The following ATAD2B variants were observed in gnomAD, a reference collection of about 807,000 sequenced individuals.
ATAD2B encodes the protein ATPase family AAA domain containing 2B, also known as ATPase family AAA domain-containing protein 2B.
Under a neutral mutation model 167.6 loss-of-function variants are expected in ATAD2B, and 40 were observed. The observed-to-expected ratio is 0.24, with a 90% CI of 0.19 to 0.31. The LOEUF (loss-of-function observed/expected upper bound fraction) is 0.31. ATAD2B is among the 10% of genes least tolerant of loss of function. The pLI is 1.00. For missense variants in ATAD2B, 1,242 were observed against 1,757.2 expected, an observed-to-expected ratio of 0.71 and a Z score of 5.24; for synonymous variants, 579 against 596.5, an observed-to-expected ratio of 0.97 and a Z score of 0.43.
In ATAD2B at chr2:23,751,101, G is replaced by T. The variant is rs1675299989; in HGVS notation, c.*945C>A. The T allele has an allele frequency of 6.6e-6, 1 of 152,032 alleles. No individual in the cohort carries two copies. The highest frequency in any genetic ancestry group is 2.4e-5 in the African/African-American group (1 of 41,400). The allele number at this position is 152,032 out of a possible 1,614,324, so 9.4% of individuals were successfully genotyped here. On this transcript the variant is annotated 3_prime_UTR_variant, in exon 28 of 28. Coordinates refer to ENST00000238789, the MANE Select transcript of ATAD2B (RefSeq NM_017552.4). Reference sequence around the variant, plus strand: ...CTCAAACATGAATAACTATTAAATTGCCACTGACAGAAGAAAAAATGGCCA... The same window carrying T: ...CTCAAACATGAATAACTATTAAATTTCCACTGACAGAAGAAAAAATGGCCA...
the ATAD2B span, chr2:23,697,855 C>T: frequency 5.3e-5 from 8 of 152,174 alleles, no homozygotes; most frequent in Admixed American, 4.6e-4. Flanking sequence ...CTGGAAGCAT[C>T]GGCTTCCGAT....
the ATAD2B span, chr2:23,691,634 G>A: frequency 1.6e-5 from 25 of 1,523,882 alleles, no homozygotes; most frequent in African/African-American, 8.3e-5. Context: ...CACGGTGGCC[G>A]CAGGGCAGGA....
chr2:23,701,819 T>C, the ATAD2B span, among the ~76,000 whole-genome samples: 644 of 103,238 alleles, frequency 6.2e-3, 2 homozygotes, highest in Non-Finnish European at 8.7e-3. Flanking sequence ...TTTTTTTTTT[T>C]CAGACGGAGT....
chr2:23,788,706 T>G, intron 19 of ATAD2B, 59 bp from the exon 20 acceptor site: 1 of 1,341,458 alleles, frequency 7.5e-7, no homozygotes, highest in South Asian at 1.4e-5. Flanking sequence ...AGCTTACATA[T>G]CATACCAAAT....
At chr2:23,725,154 G>A in the ATAD2B span, among the ~76,000 whole-genome samples, 1 of 151,564 alleles carries the variant, frequency 6.6e-6, no homozygotes, top group Admixed American at 6.6e-5. Context: ...AGAAGGCCAT[G>A]AAATAACATT....
At chr2:23,889,745 C>A (rs1699205518) in intron 2 of ATAD2B, among the ~76,000 whole-genome samples, 1 of 151,726 alleles carries the variant, frequency 6.6e-6, no homozygotes, top group African/African-American at 2.4e-5. Context: ...CATGGTGAAA[C>A]CCCGTCTCTA....
At chr2:23,845,570 A>ATTTTT (rs71402518) in intron 13 of ATAD2B, among the ~76,000 whole-genome samples, 10 of 87,646 alleles carry the variant, frequency 1.1e-4, no homozygotes, top group Non-Finnish European at 1.7e-4. Context: ...GCATGCTGGA[A>ATTTTT]TTTTTTTTTT....
At chr2:23,695,492 A>G in the ATAD2B span, 2 of 678,822 alleles carry the variant, frequency 2.9e-6, no homozygotes, top group Admixed American at 3.0e-5. The surrounding 1 kb of genome is among the most constrained non-coding windows in gnomAD (Gnocchi z 7.6). Flanking sequence ...AGGCTAGCAG[A>G]GTATCTACAC....
chr2:23,903,417 T>C (rs1415807862), intron 1 of ATAD2B, among the ~76,000 whole-genome samples: 1 of 152,080 alleles, frequency 6.6e-6, no homozygotes, highest in Non-Finnish European at 1.5e-5. Context: ...AGAAATTAAA[T>C]AATGAAAAGA....
intron 22 of ATAD2B, among the ~76,000 whole-genome samples, chr2:23,768,548 A>T (rs566205723): frequency 6.6e-6 from 1 of 151,660 alleles, no homozygotes; most frequent in South Asian, 2.1e-4. Context: ...CTCCAGCCTG[A>T]GCAACAAAGC....
chr2:23,683,238 A>G, the ATAD2B span, among the ~76,000 whole-genome samples: 1 of 152,244 alleles, frequency 6.6e-6, no homozygotes, highest in Non-Finnish European at 1.5e-5. Context: ...GCTGGAGAGC[A>G]GGGCTCAGCT....
At chr2:23,873,232 T>C (rs945465873) in intron 8 of ATAD2B, among the ~76,000 whole-genome samples, 1 of 152,216 alleles carries the variant, frequency 6.6e-6, no homozygotes, top group African/African-American at 2.4e-5. Flanking sequence ...AGAAGGAAGT[T>C]GGTGGGAGAA....
chr2:23,693,382 G>A, the ATAD2B span: 1 of 1,551,744 alleles, frequency 6.4e-7, no homozygotes, highest in South Asian at 1.2e-5. Context: ...CTTCCCCGAG[G>A]TGGCCGCCCA....
chr2:23,703,198 C>T, the ATAD2B span: 6 of 1,456,352 alleles, frequency 4.1e-6, no homozygotes, highest in South Asian at 8.6e-5. Context: ...ACGACACCAT[C>T]ACCAACCAAT....
chr2:23,761,687 T>C lies in ATAD2B; in HGVS notation c.3394+522A>G, dbSNP rs542771262. The stretch of plus-strand genomic sequence containing the variant: ...TGGAAATGTTATAGATCAACATGAA[T>C]GAGTACAAAAAAACTCCCAATTTTC... On this transcript the variant is annotated intron_variant, in intron 24 of 27. Transcript: ENST00000238789. 7.2e-5 allele frequency among the ~76,000 whole-genome samples: 11 copies of C among 152,344 alleles called. 1 individual carries two copies. The South Asian group carries it at 1.9e-3, about 26-fold the overall frequency.
rs1341732246 is a variant in ATAD2B, at chr2:23,794,954, A to C, written c.2640+3184T>G. Among the ~76,000 whole-genome samples the C allele has an allele frequency of 3.3e-5, 5 of 152,202 alleles. No individual in the cohort carries two copies. In the South Asian group the frequency reaches 1.0e-3, roughly 31 times the overall value. On this transcript the variant is annotated intron_variant, in intron 19 of 27. Transcript: ENST00000238789. ...GAGAGGGATATATACAAAGAGACAC[A>C]AGAGAATGTCAAAGAAGTTCTAAAA...
the ATAD2B span, among the ~76,000 whole-genome samples, chr2:23,717,575 GGAGA>G: frequency 5.9e-5 from 9 of 152,110 alleles, no homozygotes; most frequent in East Asian, 3.9e-4. Flanking sequence ...AAAAATAACA[GGAGA>G]GAGAGCTCCA....
intron 7 of ATAD2B, among the ~76,000 whole-genome samples, chr2:23,878,026 A>AAAAAAAAAAAAAAGC (rs1558714117): frequency 3.1e-5 from 4 of 129,196 alleles, no homozygotes; most frequent in Non-Finnish European, 5.1e-5. Context: ...AAAAAAAAAA[A>AAAAAAAAAAAAAAGC]AAAAAAAAAA....
intron 13 of ATAD2B, among the ~76,000 whole-genome samples, chr2:23,857,058 A>C (rs540015655): frequency 5.9e-5 from 9 of 152,268 alleles, no homozygotes; most frequent in Admixed American, 3.9e-4. Context: ...TAAATTAAAA[A>C]AAAAAAAAAT....
Sources: gnomAD v4.1 joint callset for allele counts (sites outside exome capture counted in the v4.1 genomes callset) on GRCh38, gnomAD v4.1.1 for gene constraint, Gnocchi (gnomAD v3.1) non-coding constraint, MANE v1.5 for transcripts, NCBI Gene and HGNC (gene_info 2026-07-23, HGNC 2026-07-21) for gene names.